The following ELMO1 variants were observed in gnomAD, a reference collection of about 807,000 sequenced individuals.
The protein encoded by ELMO1 is engulfment and cell motility 1.
Under a neutral mutation model 98.9 loss-of-function variants are expected in ELMO1, and 26 were observed. The ratio of observed to expected loss-of-function variants is 0.26; its 90% CI spans 0.19 to 0.36. The LOEUF (loss-of-function observed/expected upper bound fraction) is 0.36, where lower values mean the gene tolerates loss of function less well. ELMO1 is among the 10% of genes least tolerant of loss of function. The pLI is 1.00. For synonymous variants in ELMO1, 346 were observed against 346.0 expected (o/e 1.00, Z 0.00); for missense variants, 627 against 935.2 (o/e 0.67, Z 4.30).
intron 15 of ELMO1, 33 bp downstream of exon 15, chr7:37,096,586 C>G: frequency 6.3e-7 from 1 of 1,594,322 alleles, no homozygotes; most frequent in Non-Finnish European, 8.6e-7. Context: ...ACTCTGCCAG[C>G]TTCACACCCA....
At chr7:37,104,987 G>T (rs10266673) in intron 14 of ELMO1, among the ~76,000 whole-genome samples, 5,118 of 152,096 alleles carry the variant, frequency 0.034, 296 homozygotes, top group African/African-American at 0.12. Flanking sequence ...ACATACAGAG[G>T]CATAATAAAG....
intron 16 of ELMO1, among the ~76,000 whole-genome samples, chr7:36,912,228 G>A (rs1784391028): frequency 6.6e-6 from 1 of 152,188 alleles, no homozygotes. Flanking sequence ...CTGCATAGAT[G>A]TACTGGAGCT....
chr7:37,338,499 T>G (rs1800542394), intron 2 of ELMO1, among the ~76,000 whole-genome samples: 1 of 152,098 alleles, frequency 6.6e-6, no homozygotes, highest in Non-Finnish European at 1.5e-5. Flanking sequence ...AACAATAAAT[T>G]TCTGTTGTTC....
intron 1 of ELMO1, among the ~76,000 whole-genome samples, chr7:37,445,842 C>T (rs2131600425): frequency 6.6e-6 from 1 of 152,260 alleles, no homozygotes; most frequent in East Asian, 1.9e-4. Context: ...TGACTTCAAT[C>T]CCCTTACAAT....
chr7:37,107,628 T>C (rs983879961), intron 14 of ELMO1, among the ~76,000 whole-genome samples: 5 of 152,236 alleles, frequency 3.3e-5, no homozygotes, highest in Non-Finnish European at 7.3e-5. Flanking sequence ...ACCAAGAGGT[T>C]TGGCTTTTGT....
chr7:36,965,302 G>C (rs1789320830), intron 16 of ELMO1, among the ~76,000 whole-genome samples: 1 of 152,202 alleles, frequency 6.6e-6, no homozygotes, highest in African/African-American at 2.4e-5. Flanking sequence ...CCAGTGTCTA[G>C]AAGAGGGAGG....
chr7:37,381,466 A>T lies in ELMO1; in HGVS notation c.-73-38703T>A, dbSNP rs2893541. On this transcript the variant is annotated intron_variant, in intron 1 of 21. Transcript: ENST00000310758. ...ATTCTGTACGAAAGTAGTCAGTAAT[A>T]TACAACCCTGCACTAATGAAGAGTG... Among the ~76,000 whole-genome samples, 402 of 152,124 alleles carry T rather than the reference A, an allele frequency of 2.6e-3. 5 individuals are homozygous for T. The highest frequency in any genetic ancestry group is 9.0e-3 in the African/African-American group (374 of 41,480).
At chr7:36,916,150 A>G (rs753486617) in intron 16 of ELMO1, among the ~76,000 whole-genome samples, 2 of 152,242 alleles carry the variant, frequency 1.3e-5, no homozygotes, top group Non-Finnish European at 2.9e-5. Flanking sequence ...CAGGTGTTCC[A>G]TAAACATGGG....
chr7:36,938,079 T>A (rs962255461), intron 16 of ELMO1, among the ~76,000 whole-genome samples: 18 of 152,208 alleles, frequency 1.2e-4, no homozygotes, highest in African/African-American at 4.3e-4. Flanking sequence ...TTTTCTAAAA[T>A]ATACTGACTG....
chr7:37,398,428 C>A lies in ELMO1; in HGVS notation c.-74+50247G>T, dbSNP rs77129994. Among the ~76,000 whole-genome samples, 228 of 152,282 alleles carry A rather than the reference C, an allele frequency of 1.5e-3. 1 individual carries two copies. Among genetic ancestry groups the A allele is most frequent in the African/African-American group, 5.2e-3 (216 of 41,544 alleles). On this transcript the variant is annotated intron_variant, in intron 1 of 21. Coordinates refer to ENST00000310758, the MANE Select transcript of ELMO1 (RefSeq NM_014800.11). The stretch of plus-strand genomic sequence containing the variant: ...TTCTTTTGAAGCCCTCTTCACTGCT[C>A]CATTCAAGAAAAAAGACAAGGCAAC...
intron 16 of ELMO1, among the ~76,000 whole-genome samples, chr7:37,004,173 C>G (rs1451423581): frequency 6.6e-6 from 1 of 152,054 alleles, no homozygotes; most frequent in Non-Finnish European, 1.5e-5. Context: ...ATTTAAAATG[C>G]CTAAATCTCA....
At chr7:36,962,211 G>A (rs761307807) in intron 16 of ELMO1, among the ~76,000 whole-genome samples, 1 of 152,210 alleles carries the variant, frequency 6.6e-6, no homozygotes, top group Non-Finnish European at 1.5e-5. Flanking sequence ...GAAGAGCCAA[G>A]CTGCTTGAAC....
intron 2 of ELMO1, among the ~76,000 whole-genome samples, chr7:37,330,956 A>G (rs546164956): frequency 6.6e-6 from 1 of 152,268 alleles, no homozygotes; most frequent in South Asian, 2.1e-4. Context: ...GTGACTAACA[A>G]ATGGGAAGTG....
chr7:36,861,931 T>C (rs1200340263), intron 20 of ELMO1, 195 bp from the exon 21 acceptor site: 5 of 602,018 alleles, frequency 8.3e-6, no homozygotes, highest in Non-Finnish European at 1.2e-5. Flanking sequence ...CACGGCGGTC[T>C]GTGAACTATC....
intron 15 of ELMO1, among the ~76,000 whole-genome samples, chr7:37,059,514 A>G (rs974453394): frequency 6.6e-6 from 1 of 152,126 alleles, no homozygotes; most frequent in Admixed American, 6.5e-5. Context: ...TCTGTGTTTC[A>G]CTGCTTTTCA....
At chr7:37,337,610 C>T (rs1800492208) in intron 2 of ELMO1, among the ~76,000 whole-genome samples, 1 of 151,800 alleles carries the variant, frequency 6.6e-6, no homozygotes, top group East Asian at 1.9e-4. Context: ...ACCACCTCTT[C>T]CCTTCTCTGC....
intron 15 of ELMO1, among the ~76,000 whole-genome samples, chr7:37,034,250 C>T (rs562420870): frequency 2.6e-5 from 4 of 152,126 alleles, no homozygotes; most frequent in African/African-American, 9.6e-5. Flanking sequence ...GACTGGTGCC[C>T]TTATAAGAAG....
intron 1 of ELMO1, among the ~76,000 whole-genome samples, chr7:37,389,754 T>C (rs865815351): frequency 6.6e-6 from 1 of 151,954 alleles, no homozygotes; most frequent in African/African-American, 2.4e-5. Flanking sequence ...CTGTCAGGAG[T>C]GTAGGGGAAC....
chr7:36,886,483 C>T (rs1463172382), intron 18 of ELMO1, among the ~76,000 whole-genome samples: 1 of 152,212 alleles, frequency 6.6e-6, no homozygotes, highest in Non-Finnish European at 1.5e-5. Context: ...AGCTCTGTGG[C>T]TTAGCAGGGC....
Sources: allele counts gnomAD v4.1 joint callset (sites outside exome capture counted in the v4.1 genomes callset), GRCh38; gene constraint gnomAD v4.1.1; transcripts MANE v1.5; gene names NCBI Gene and HGNC (gene_info 2026-07-23, HGNC 2026-07-21).